The following NAALADL2 variants were observed in gnomAD, a reference collection of about 807,000 sequenced individuals.
NAALADL2 encodes the protein inactive N-acetylated-alpha-linked acidic dipeptidase-like protein 2.
A neutral mutation model predicts 87.2 loss-of-function variants in NAALADL2; 76 were observed. The ratio of observed to expected loss-of-function variants is 0.87; its 90% confidence interval spans 0.72 to 1.05. NAALADL2 has a LOEUF of 1.05. Among genes scored for constraint, NAALADL2 ranks in the 50% least tolerant of loss-of-function variants. The pLI, the probability that NAALADL2 is intolerant of heterozygous loss-of-function variation, is 0.00. For missense variants in NAALADL2, 1,089 were observed against 945.8 expected (o/e 1.15, Z -1.99); for synonymous variants, 354 against 331.0 (o/e 1.07, Z -0.75).
At chr3:175,134,644 G>A in intron 2 of NAALADL2, among the ~76,000 whole-genome samples, 1 of 152,100 alleles carries the variant, frequency 6.6e-6, no homozygotes, top group Non-Finnish European at 1.5e-5. Context: ...ATTTTTAATA[G>A]TTAATAAAGC....
At chr3:175,070,846 A>G (rs1715499537) in intron 1 of NAALADL2, among the ~76,000 whole-genome samples, 1 of 152,126 alleles carries the variant, frequency 6.6e-6, no homozygotes, top group South Asian at 2.1e-4. Flanking sequence ...ATATATTAAT[A>G]GTATAACATA....
At chr3:174,684,134 A>G (rs1184101676) in intron 2 of NAALADL2, among the ~76,000 whole-genome samples, 1 of 152,012 alleles carries the variant, frequency 6.6e-6, no homozygotes, top group Non-Finnish European at 1.5e-5. Context: ...TGTATATACT[A>G]GATTCACATT....
intron 10 of NAALADL2, among the ~76,000 whole-genome samples, chr3:175,591,784 G>GTGTA (rs1443245536): frequency 1.0e-4 from 14 of 137,080 alleles, no homozygotes; most frequent in East Asian, 6.0e-4. Flanking sequence ...GTGTGTGTGT[G>GTGTA]TATATATATA....
At chr3:175,295,824 T>C (rs1422287907) in intron 4 of NAALADL2, among the ~76,000 whole-genome samples, 1 of 151,986 alleles carries the variant, frequency 6.6e-6, no homozygotes, top group African/African-American at 2.4e-5. Flanking sequence ...ATACAATGAC[T>C]TTTATAATCT....
intron 5 of NAALADL2, among the ~76,000 whole-genome samples, chr3:175,370,794 T>C (rs1169382658): frequency 7.2e-5 from 11 of 152,158 alleles, no homozygotes; most frequent in Admixed American, 3.9e-4. Flanking sequence ...CCGTAGTAAC[T>C]TTTTTTCTTT....
At chr3:175,270,469 G>T (rs1752662179) in intron 4 of NAALADL2, among the ~76,000 whole-genome samples, 1 of 152,082 alleles carries the variant, frequency 6.6e-6, no homozygotes. Context: ...ATAGCCTCAG[G>T]CACCTAAACA....
chr3:175,216,610 A>G (rs1241102114), intron 2 of NAALADL2, among the ~76,000 whole-genome samples: 1 of 151,848 alleles, frequency 6.6e-6, no homozygotes, highest in Non-Finnish European at 1.5e-5. Context: ...CAAATAGACA[A>G]ACATTCTCCC....
chr3:175,112,092 A>G (rs1724286529), intron 2 of NAALADL2, among the ~76,000 whole-genome samples: 1 of 151,642 alleles, frequency 6.6e-6, no homozygotes, highest in Non-Finnish European at 1.5e-5. Flanking sequence ...CCTGACACAT[A>G]GTAAACAATA....
chr3:174,661,927 T>C (rs1405498730), intron 2 of NAALADL2, among the ~76,000 whole-genome samples: 1 of 152,074 alleles, frequency 6.6e-6, no homozygotes, highest in Admixed American at 6.5e-5. Flanking sequence ...ATCTTGGAAA[T>C]AGAAAGCAAA....
chr3:175,182,808 GC>G (rs1736791125), intron 2 of NAALADL2, among the ~76,000 whole-genome samples: 1 of 151,666 alleles, frequency 6.6e-6, no homozygotes, highest in South Asian at 2.1e-4. Flanking sequence ...AAAAATAATT[GC>G]CTAGACCAAT....
chr3:175,089,795 G>C (rs537522964), intron 1 of NAALADL2, among the ~76,000 whole-genome samples: 48 of 152,268 alleles, frequency 3.2e-4, no homozygotes, highest in Admixed American at 6.5e-4. Flanking sequence ...AGCTAAGACT[G>C]ACAGCCTTAT....
chr3:174,628,494 A>AAAAG (rs1560103576), intron 2 of NAALADL2, among the ~76,000 whole-genome samples: 12 of 151,032 alleles, frequency 7.9e-5, no homozygotes, highest in African/African-American at 1.5e-4. Flanking sequence ...AAAAAAAAAA[A>AAAAG]AAAGATTATC....
chr3:175,733,771 AG>A (rs146832483), intron 11 of NAALADL2, among the ~76,000 whole-genome samples: 36,324 of 152,178 alleles, frequency 0.24, 4,606 homozygotes, highest in African/African-American at 0.31. Flanking sequence ...ATGAGGTCTC[AG>A]GTATTGGGTA....
At chr3:175,260,062 A>G (rs6443296) in intron 4 of NAALADL2, among the ~76,000 whole-genome samples, 57,529 of 151,858 alleles carry the variant, frequency 0.38, 11,276 homozygotes, top group South Asian at 0.54. Flanking sequence ...GAGGTCAAAT[A>G]CTGAAAATCT....
At chr3:175,283,389 AT>A (rs1754566912) in intron 4 of NAALADL2, among the ~76,000 whole-genome samples, 1 of 151,998 alleles carries the variant, frequency 6.6e-6, no homozygotes, top group African/African-American at 2.4e-5. Flanking sequence ...AATTTGTGAA[AT>A]TAACAGTTTT....
chr3:175,220,065 A>G (rs1008637972), intron 2 of NAALADL2, among the ~76,000 whole-genome samples: 4 of 151,564 alleles, frequency 2.6e-5, no homozygotes, highest in African/African-American at 7.2e-5. Flanking sequence ...TCATCCTTGC[A>G]TTACTAAAAC....
Position 175,393,532 on chromosome 3 carries a change from A to C in NAALADL2, c.1091-53697A>C, listed in dbSNP as rs148382660. Among the ~76,000 whole-genome samples the C allele has an allele frequency of 4.2e-3, 643 of 152,172 alleles. 7 individuals are homozygous for C. Among genetic ancestry groups the C allele is most frequent in the African/African-American group, 0.015 (619 of 41,510 alleles). The stretch of plus-strand genomic sequence containing the variant: ...AACTACAAGTATAGTGCAAAAATGC[A>C]TATCCTTTTCTAAGATTCATCAGTT... On this transcript the variant is annotated intron_variant, in intron 5 of 13. Transcript: ENST00000454872.
intron 2 of NAALADL2, among the ~76,000 whole-genome samples, chr3:175,113,313 T>G (rs541299963): frequency 6.6e-6 from 1 of 151,652 alleles, no homozygotes; most frequent in African/African-American, 2.4e-5. Flanking sequence ...AGGTATGTGC[T>G]GGTAGAGCAT....
At chr3:175,723,617 C>T (rs2150041203) in intron 11 of NAALADL2, among the ~76,000 whole-genome samples, 1 of 152,194 alleles carries the variant, frequency 6.6e-6, no homozygotes, top group South Asian at 2.1e-4. Context: ...TATTAGTAAT[C>T]ACGGTGTTTC....
Sources: allele counts gnomAD v4.1 joint callset (sites outside exome capture counted in the v4.1 genomes callset), GRCh38; gene constraint gnomAD v4.1.1; transcripts MANE v1.5; gene names NCBI Gene and HGNC (gene_info 2026-07-23, HGNC 2026-07-21).